Variants in CD38 observed in about 807,000 individuals in gnomAD.
CD38 encodes the protein CD38 molecule.
In CD38, 31 loss-of-function variants were observed where a neutral mutation model predicts 36.3. The ratio of observed to expected loss-of-function variants is 0.85; its 90% CI spans 0.64 to 1.15. The LOEUF is 1.15. Among genes scored for constraint, CD38 ranks in the 50% most tolerant of loss-of-function variants. The pLI is 0.00. For missense variants in CD38, 380 were observed against 371.9 expected (o/e 1.02, Z -0.18); for synonymous variants, 131 against 135.2 (o/e 0.97, Z 0.22).
chr4:15,807,099 C>G (rs1723358943), intron 1 of CD38, among the ~76,000 whole-genome samples: 1 of 152,116 alleles, frequency 6.6e-6, no homozygotes, highest in Non-Finnish European at 1.5e-5. Context: ...AGGGAGGACA[C>G]TCAGCGTAGA....
chr4:15,790,153 C>CGG (rs1722931973), intron 1 of CD38, among the ~76,000 whole-genome samples: 3 of 44,182 alleles, frequency 6.8e-5, no homozygotes, highest in African/African-American at 4.9e-4. Context: ...CTCCCTCTCC[C>CGG]TCTCCCCCTC....
At chr4:15,833,703 A>G (rs1724006126) in intron 3 of CD38, among the ~76,000 whole-genome samples, 1 of 152,204 alleles carries the variant, frequency 6.6e-6, no homozygotes, top group Non-Finnish European at 1.5e-5. Context: ...CACAGAAACT[A>G]TGTATTCATG....
chr4:15,818,096 A>T (rs1163525497), intron 2 of CD38, among the ~76,000 whole-genome samples: 1 of 142,444 alleles, frequency 7.0e-6, no homozygotes, highest in Non-Finnish European at 1.5e-5. Flanking sequence ...CAAGCTAAGA[A>T]CCACTGGCTT....
At chr4:15,782,036 G>T (rs532396101) in intron 1 of CD38, among the ~76,000 whole-genome samples, 1 of 152,140 alleles carries the variant, frequency 6.6e-6, no homozygotes, top group Non-Finnish European at 1.5e-5. Flanking sequence ...TAACACGATG[G>T]CTCCTGGGCT....
intron 3 of CD38, among the ~76,000 whole-genome samples, chr4:15,826,394 A>G (rs1298882117): frequency 6.6e-6 from 1 of 151,782 alleles, no homozygotes; most frequent in East Asian, 1.9e-4. Context: ...AATCCTATTA[A>G]TGGATATTAA....
chr4:15,798,343 C>T (rs1029882144), intron 1 of CD38, among the ~76,000 whole-genome samples: 3 of 152,170 alleles, frequency 2.0e-5, no homozygotes, highest in African/African-American at 7.2e-5. Flanking sequence ...CACAAGATTG[C>T]TGCATTATGT....
At chr4:15,799,879 G>C (rs181315594) in intron 1 of CD38, among the ~76,000 whole-genome samples, 1 of 152,306 alleles carries the variant, frequency 6.6e-6, no homozygotes, top group Admixed American at 6.5e-5. Context: ...CTCAGGCACA[G>C]AGGGAGGAGG....
chr4:15,847,595 C>CAAAAAAAAAAAAAAAAAAA (rs71179666), intron 7 of CD38, among the ~76,000 whole-genome samples: 1 of 38,146 alleles, frequency 2.6e-5, no homozygotes, highest in African/African-American at 1.2e-4. Context: ...CTCTCAGAAG[C>CAAAAAAAAAAAAAAAAAAA]AAAAAAAAAA....
intron 2 of CD38, among the ~76,000 whole-genome samples, chr4:15,818,267 G>A (rs1174816285): frequency 6.6e-6 from 1 of 152,112 alleles, no homozygotes; most frequent in African/African-American, 2.4e-5. Flanking sequence ...ACGTGGTTGT[G>A]GCCAGACTGC....
rs914102771 is a variant in CD38 at position 15,852,227 on chromosome 4, T to G, written c.*3625T>G. 2 of 152,260 alleles carry G rather than the reference T, an allele frequency of 1.3e-5. No homozygotes were observed. The highest frequency in any genetic ancestry group is 4.8e-5 in the African/African-American group (2 of 41,468). 9.4% of individuals were successfully genotyped at this position (152,260 alleles called of 1,614,324 possible). The stretch of plus-strand genomic sequence containing the variant: ...GTCTCTCATGTAACTGGCAGAGCTA[T>G]CAAATATTTTGGCAAAACACATTGT... On this transcript the variant is annotated 3_prime_UTR_variant, in exon 8 of 8. Transcript: ENST00000226279.
At chr4:15,836,989 C>G (rs190116145) in intron 4 of CD38, among the ~76,000 whole-genome samples, 2 of 152,330 alleles carry the variant, frequency 1.3e-5, no homozygotes, top group Admixed American at 1.3e-4. Flanking sequence ...CCACCCACTT[C>G]AAAAATAATT....
At chr4:15,808,834 AAG>A (rs1723401314) in intron 1 of CD38, among the ~76,000 whole-genome samples, 1 of 152,208 alleles carries the variant, frequency 6.6e-6, no homozygotes, top group South Asian at 2.1e-4. Flanking sequence ...GCTCTGGAAA[AAG>A]AGCTATTCAA....
intron 1 of CD38, among the ~76,000 whole-genome samples, chr4:15,784,088 A>G (rs1347972256): frequency 6.6e-6 from 1 of 152,214 alleles, no homozygotes; most frequent in African/African-American, 2.4e-5. Context: ...TCTGTAATGA[A>G]AAAGAGGCCT....
intron 1 of CD38, among the ~76,000 whole-genome samples, chr4:15,786,856 G>A (rs1722846091): frequency 6.6e-6 from 1 of 152,196 alleles, no homozygotes; most frequent in African/African-American, 2.4e-5. Flanking sequence ...GGCATGGTGG[G>A]CTACAGGTCC....
intron 4 of CD38, among the ~76,000 whole-genome samples, chr4:15,837,389 A>G (rs1319099653): frequency 6.6e-6 from 1 of 152,084 alleles, no homozygotes; most frequent in Non-Finnish European, 1.5e-5. Flanking sequence ...ACTCATCATT[A>G]TAATACAATA....
intron 1 of CD38, among the ~76,000 whole-genome samples, chr4:15,792,287 C>G (rs1389168333): frequency 3.4e-5 from 4 of 117,152 alleles, no homozygotes; most frequent in Non-Finnish European, 5.0e-5. Flanking sequence ...ACAAACACTG[C>G]GGAAGGCCGC....
At chr4:15,796,147 C>A (rs1414284709) in intron 1 of CD38, among the ~76,000 whole-genome samples, 1 of 152,048 alleles carries the variant, frequency 6.6e-6, no homozygotes, top group East Asian at 1.9e-4. Flanking sequence ...GGACTGAAAA[C>A]ACCTTGCTGA....
At chr4:15,839,875 A>C in intron 5 of CD38, 151 bp from the exon 6 acceptor site, 1 of 673,942 alleles carries the variant, frequency 1.5e-6, no homozygotes, top group South Asian at 1.8e-5. Context: ...CATGCTGAAT[A>C]AGAAAAGGTT....
intron 1 of CD38, among the ~76,000 whole-genome samples, chr4:15,804,521 C>T (rs534578857): frequency 1.3e-5 from 2 of 152,140 alleles, no homozygotes; most frequent in African/African-American, 4.8e-5. Flanking sequence ...TGGAATCCAC[C>T]GAAGTGTCTA....
Sources: allele counts gnomAD v4.1 joint callset (sites outside exome capture counted in the v4.1 genomes callset), GRCh38; gene constraint gnomAD v4.1.1; transcripts MANE v1.5; gene names NCBI Gene and HGNC (gene_info 2026-07-23, HGNC 2026-07-21).